Variants in TRPM1 observed in about 807,000 individuals in gnomAD.
TRPM1 encodes the protein transient receptor potential cation channel subfamily M member 1.
TRPM1 carries 113 observed loss-of-function variants against 149.4 expected under a neutral mutation model. The observed-to-expected ratio is 0.76, with a 90% CI of 0.65 to 0.88. The LOEUF (loss-of-function observed/expected upper bound fraction) is 0.88, where lower values mean the gene tolerates loss of function less well. TRPM1 is among the 40% of genes least tolerant of loss of function. The probability of loss-of-function intolerance (pLI) is 0.00; values close to 1 mark genes in which losing one functional copy is unlikely to be tolerated. For missense variants in TRPM1, 1,976 were observed against 2,038.7 expected, an observed-to-expected ratio of 0.97 and a Z score of 0.59; for synonymous variants, 741 against 759.5, an observed-to-expected ratio of 0.98 and a Z score of 0.40.
At chr15:31,160,827 T>G in intron 1 of TRPM1, 10 of 1,473,914 alleles carry the variant, frequency 6.8e-6, no homozygotes, top group Non-Finnish European at 9.2e-6. Flanking sequence ...GCCAGCACTC[T>G]GAGATGACAG....
At chr15:31,007,057 G>A (rs1332957367) in intron 27 of TRPM1, among the ~76,000 whole-genome samples, 1 of 152,060 alleles carries the variant, frequency 6.6e-6, no homozygotes, top group African/African-American at 2.4e-5. Context: ...TATGCTTTTG[G>A]TGTTGCATTG....
chr15:31,133,380 C>G (rs1300736145), intron 1 of TRPM1, among the ~76,000 whole-genome samples: 1 of 151,652 alleles, frequency 6.6e-6, no homozygotes, highest in Non-Finnish European at 1.5e-5. Context: ...ACAGCATGAT[C>G]CACATGGTGA....
At chr15:31,090,358 G>A (rs2035201614) in intron 1 of TRPM1, among the ~76,000 whole-genome samples, 1 of 152,142 alleles carries the variant, frequency 6.6e-6, no homozygotes, top group Admixed American at 6.5e-5. Flanking sequence ...GCATCCTGGG[G>A]CTGGGCGTGG....
chr15:31,093,141 G>A (rs2035285123), intron 1 of TRPM1, among the ~76,000 whole-genome samples: 1 of 151,348 alleles, frequency 6.6e-6, no homozygotes, highest in Admixed American at 6.6e-5. Flanking sequence ...CACACCTGTA[G>A]TCCCAGCTAC....
intron 1 of TRPM1, among the ~76,000 whole-genome samples, chr15:31,112,860 T>C (rs747480762): frequency 1.5e-4 from 23 of 152,240 alleles, no homozygotes; most frequent in Non-Finnish European, 2.9e-4. Context: ...CCCCTTTTCT[T>C]TCTTGTAACC....
At position 31,126,690 on chromosome 15, in the gene TRPM1, G is replaced by T. The variant is rs765592728; in HGVS notation, c.54+34216C>A. 1.6e-3 allele frequency among the ~76,000 whole-genome samples: 242 copies of T among 152,178 alleles called. 1 individual carries two copies. Among genetic ancestry groups the T allele is most frequent in the Non-Finnish European group, 2.8e-3 (189 of 67,994 alleles). On this transcript the variant is annotated intron_variant, in intron 1 of 26. Transcript: ENST00000542188. ...TTAGAAATGCATTTGCCGGCCAGGCGCAGTGGCTCAAGCCTGTAATCCCAG... is the reference window on the plus strand; with the variant it reads ...TTAGAAATGCATTTGCCGGCCAGGCTCAGTGGCTCAAGCCTGTAATCCCAG...
upstream of TRPM1, among the ~76,000 whole-genome samples, chr15:31,104,811 G>A (rs772303625): frequency 9.9e-5 from 15 of 152,140 alleles, no homozygotes; most frequent in Admixed American, 5.2e-4. Flanking sequence ...GGCCAGGATG[G>A]TCTCAATCTC....
At chr15:31,067,727 C>T (rs933828628) in intron 5 of TRPM1, 152 bp downstream of exon 5, 2 of 772,550 alleles carry the variant, frequency 2.6e-6, no homozygotes, top group African/African-American at 1.7e-5. Flanking sequence ...AAGTAAAAAA[C>T]ACAAGCTAGG....
intron 11 of TRPM1, among the ~76,000 whole-genome samples, chr15:31,059,164 C>T (rs528708370): frequency 1.3e-5 from 2 of 152,168 alleles, no homozygotes; most frequent in African/African-American, 4.8e-5. Flanking sequence ...GAGCAATCCA[C>T]CTCCTTCTAT....
At chr15:31,014,433 T>C (rs778793041) in intron 27 of TRPM1, among the ~76,000 whole-genome samples, 1 of 152,240 alleles carries the variant, frequency 6.6e-6, no homozygotes, top group African/African-American at 2.4e-5. Flanking sequence ...GTACTAGGAA[T>C]GCAGGTTGTT....
intron 1 of TRPM1, among the ~76,000 whole-genome samples, chr15:31,086,453 G>A (rs925615086): frequency 3.3e-5 from 5 of 152,258 alleles, no homozygotes; most frequent in South Asian, 2.1e-4. Flanking sequence ...CTGCCCCATC[G>A]CAGAGGGGAC....
intron 27 of TRPM1, among the ~76,000 whole-genome samples, chr15:31,017,568 C>A (rs1208614141): frequency 6.6e-6 from 1 of 152,152 alleles, no homozygotes; most frequent in Non-Finnish European, 1.5e-5. Flanking sequence ...TGCAGCATGA[C>A]AGCAACTAAA....
chr15:31,145,455 T>A lies in TRPM1; in HGVS notation c.54+15451A>T, dbSNP rs1193550291. On this transcript the variant is annotated intron_variant, in intron 1 of 26. Coordinates refer to the TRPM1 transcript ENST00000542188. The stretch of plus-strand genomic sequence containing the variant: ...TTCTGTGGGTAACTGGATGGAATGT[T>A]GAACCTGTCATATCAAACCTAAATA... 2.0e-5 allele frequency among the ~76,000 whole-genome samples: 3 copies of A among 152,240 alleles called. No individual in the cohort carries two copies. In the East Asian group the frequency reaches 5.8e-4, roughly 29 times the overall value.
chr15:31,107,061 G>A (rs1048558923), intron 1 of TRPM1, among the ~76,000 whole-genome samples: 1 of 152,088 alleles, frequency 6.6e-6, no homozygotes, highest in African/African-American at 2.4e-5. Flanking sequence ...GGTAAAACTG[G>A]CCTCATAAAA....
intron 3 of TRPM1, among the ~76,000 whole-genome samples, chr15:31,072,018 T>TATATATAGAGAGAGAGAGAG (rs1400392427): frequency 5.4e-5 from 2 of 36,904 alleles, no homozygotes; most frequent in African/African-American, 1.1e-4. Context: ...TATATATATA[T>TATATATAGAGAGAGAGAGAG]AGAGAGAGAG....
In TRPM1 at chr15:31,002,207, T is replaced by G. The variant is rs373338604; in HGVS notation, c.4493A>C (p.Lys1498Thr). Reference sequence around the variant, plus strand: ...ATCTGTGCTATGAGAGCGCGTGATCTTTTGAACTTGGCATTGCCATTCCGT... The same window carrying G: ...ATCTGTGCTATGAGAGCGCGTGATCGTTTGAACTTGGCATTGCCATTCCGT... ...LTTEWQCQVQ[K>T]ITRSHSTDIP... The change falls in exon 28 of 28, where the codon AAG becomes ACG. Residue 1498 changes from lysine (K) to threonine (T), a missense_variant. Physicochemically the swap from Lys to Thr is moderately conservative, Grantham distance 78. Around this residue, in one of 3 missense-constraint regions of TRPM1, gnomAD observed 572 missense variants for 578.9 expected, o/e 0.99. Transcript: ENST00000256552. 1.7e-5 allele frequency: 28 copies of G among 1,614,142 alleles called. No individual in the cohort carries two copies. Among genetic ancestry groups the G allele is most frequent in the African/African-American group, 2.7e-5 (2 of 74,942 alleles).
At position 31,046,229 on chromosome 15, in the gene TRPM1, T is replaced by C; in HGVS notation, c.1769A>G (p.Lys590Arg). 6.2e-7 allele frequency: 1 copy of C among 1,611,186 alleles called. No homozygotes were observed. Among genetic ancestry groups the C allele is most frequent in the Non-Finnish European group, 8.5e-7 (1 of 1,179,844 alleles). Residue 590 changes from lysine to arginine, a missense_variant, in exon 16 of 28, where the codon AAA becomes AGA. Physicochemically the swap from Lys to Arg is conservative, Grantham distance 26. Around this residue, in one of 3 missense-constraint regions of TRPM1, gnomAD observed 1,332 missense variants for 1,347.1 expected, o/e 0.99. Transcript: ENST00000256552. Reference sequence around the variant, plus strand: ...TTCCATTCCCAGAAGTTTAAGAGCTTTAGGCTGCATGGTGAAAGAGGAAGA... The same window carrying C: ...TTCCATTCCCAGAAGTTTAAGAGCTCTAGGCTGCATGGTGAAAGAGGAAGA... ...YNNLFGPKRP[K>R]ALKLLGMEDD...
chr15:31,084,570 T>C (rs568663764), intron 1 of TRPM1, among the ~76,000 whole-genome samples: 1 of 152,328 alleles, frequency 6.6e-6, no homozygotes, highest in Non-Finnish European at 1.5e-5. Flanking sequence ...TAATATTCCA[T>C]TACATGAATT....
At chr15:31,055,847 T>C (rs1056652350) in intron 11 of TRPM1, among the ~76,000 whole-genome samples, 5 of 152,186 alleles carry the variant, frequency 3.3e-5, no homozygotes, top group Non-Finnish European at 5.9e-5. Flanking sequence ...GCCAAGGATC[T>C]AGAGCATTTG....
Sources: gnomAD v4.1 joint callset for allele counts (sites outside exome capture counted in the v4.1 genomes callset) on GRCh38, gnomAD v4.1.1 for gene constraint, gnomAD v4.1.1 regional missense constraint, MANE v1.5 for transcripts, NCBI Gene and HGNC (gene_info 2026-07-23, HGNC 2026-07-21) for gene names.